The following LRIG3 variants were observed in gnomAD, a reference collection of about 807,000 sequenced individuals.
The protein encoded by LRIG3 is leucine-rich repeats and immunoglobulin-like domains protein 3.
A neutral mutation model predicts 114.5 loss-of-function variants in LRIG3; 76 were observed. That is an observed-to-expected ratio of 0.66 (90% CI 0.55 to 0.80). The LOEUF (loss-of-function observed/expected upper bound fraction) is 0.80, where lower values mean the gene tolerates loss of function less well. Among genes scored for constraint, LRIG3 ranks in the 30% least tolerant of loss-of-function variants. The probability of loss-of-function intolerance (pLI) is 0.00; values close to 1 mark genes in which losing one functional copy is unlikely to be tolerated. For missense variants in LRIG3, 1,239 were observed against 1,382.8 expected (o/e 0.90, Z 1.65); for synonymous variants, 512 against 519.8 (o/e 0.98, Z 0.20).
rs79202005 is a variant in LRIG3, at chr12:58,916,777, T to C, written c.237-2441A>G. 5.7e-3 allele frequency among the ~76,000 whole-genome samples: 849 copies of C among 149,304 alleles called. 8 individuals are homozygous for C. The highest frequency in any genetic ancestry group is 0.02 in the African/African-American group (770 of 38,784). On this transcript the variant is annotated intron_variant, in intron 1 of 18. Coordinates refer to ENST00000320743, the MANE Select transcript of LRIG3 (RefSeq NM_153377.5). ...ACTTGAAAGTCAAACTCTTTCTATA[T>C]GGTTAGACAGACTTCTCTCTTCCTG...
Position 58,877,754 on chromosome 12 carries a change from G to A in LRIG3, c.2182C>T (p.Leu728=), listed in dbSNP as rs547632976. The change falls in exon 15 of 19, where the codon CTG becomes TTG. Residue 728 remains leucine (L), a synonymous_variant. Transcript: ENST00000320743. The stretch of plus-strand genomic sequence containing the variant: ...GGGCTATCATCTTTGGTCCAGTTCA[G>A]TTTAGGGGGAGGGCTTCCTCCAGCA... ...CIAGGSPPPK[L]NWTKDDSPLV... The A allele has an allele frequency of 1.2e-6, 2 of 1,614,186 alleles. No homozygotes were observed. Among genetic ancestry groups the A allele is most frequent in the South Asian group, 2.2e-5 (2 of 91,088 alleles).
chr12:58,886,729 T>C, intron 9 of LRIG3, 81 bp downstream of exon 9: 5 of 1,152,278 alleles, frequency 4.3e-6, no homozygotes, highest in African/African-American at 1.5e-5. Context: ...CTTCATGATG[T>C]CAACTTGTAT....
At chr12:58,898,245 G>T (rs1317625238) in intron 3 of LRIG3, among the ~76,000 whole-genome samples, 1 of 152,146 alleles carries the variant, frequency 6.6e-6, no homozygotes. Flanking sequence ...TCCTGGTTCT[G>T]TGTCTTTATC....
intron 1 of LRIG3, among the ~76,000 whole-genome samples, chr12:58,916,504 T>A (rs1872486893): frequency 1.3e-5 from 2 of 152,240 alleles, no homozygotes; most frequent in Admixed American, 6.5e-5. Context: ...CACATTTTCC[T>A]AAATCTTCCT....
At chr12:58,888,722 G>A in intron 6 of LRIG3, 97 bp downstream of exon 6, 1 of 1,474,610 alleles carries the variant, frequency 6.8e-7, no homozygotes, top group African/African-American at 1.4e-5. Flanking sequence ...TGGATGATGA[G>A]ATTTTAACAT....
intron 3 of LRIG3, among the ~76,000 whole-genome samples, chr12:58,896,867 T>C (rs950928577): frequency 1.3e-5 from 2 of 152,158 alleles, no homozygotes; most frequent in African/African-American, 4.8e-5. Flanking sequence ...TTTCTATATA[T>C]AACTTGCAAA....
At chr12:58,916,557 T>A (rs1872488847) in intron 1 of LRIG3, among the ~76,000 whole-genome samples, 1 of 152,214 alleles carries the variant, frequency 6.6e-6, no homozygotes, top group Admixed American at 6.5e-5. Flanking sequence ...AGATTCAAGT[T>A]GTACAACGTC....
chr12:58,875,867 C>A (rs537514241), intron 16 of LRIG3, among the ~76,000 whole-genome samples: 1 of 152,206 alleles, frequency 6.6e-6, no homozygotes, highest in East Asian at 1.9e-4. Context: ...TGGCAAAACC[C>A]CATCTCTACT....
At chr12:58,901,811 T>C (rs1218584141) in intron 3 of LRIG3, among the ~76,000 whole-genome samples, 1 of 152,168 alleles carries the variant, frequency 6.6e-6, no homozygotes, top group Non-Finnish European at 1.5e-5. Flanking sequence ...TAACAAGACC[T>C]AGCAATTAGA....
At chr12:58,901,759 A>G (rs981522836) in intron 3 of LRIG3, among the ~76,000 whole-genome samples, 47 of 152,200 alleles carry the variant, frequency 3.1e-4, no homozygotes, top group African/African-American at 1.1e-3. Context: ...ACAGAACGAC[A>G]ACAGGTAGAA....
intron 1 of LRIG3, 135 bp downstream of exon 1, chr12:58,919,865 G>T: frequency 1.1e-6 from 1 of 937,086 alleles, no homozygotes; most frequent in Non-Finnish European, 1.6e-6. Flanking sequence ...CCCACGGAGC[G>T]CCGATCGCGG....
intron 12 of LRIG3, 50 bp from the exon 13 acceptor site, chr12:58,880,951 C>A: frequency 6.6e-7 from 1 of 1,523,414 alleles, no homozygotes; most frequent in South Asian, 1.2e-5. Context: ...GCTCAAGAGT[C>A]CAAATACTAC....
At chr12:58,877,301 G>T in intron 15 of LRIG3, 99 bp downstream of exon 15, 1 of 1,219,998 alleles carries the variant, frequency 8.2e-7, no homozygotes, top group Non-Finnish European at 1.2e-6. Flanking sequence ...TCACCCTTCT[G>T]AGATGAACTC....
chr12:58,872,552 T>C lies in LRIG3; in HGVS notation c.*20A>G. 2 of 1,569,996 alleles carry C rather than the reference T, an allele frequency of 1.3e-6. No individual in the cohort carries two copies. Among genetic ancestry groups the C allele is most frequent in the Non-Finnish European group, 8.7e-7 (1 of 1,155,854 alleles). Reference sequence around the variant, plus strand: ...TCACTTGAGGTAGTATGTTAAGCTTTTCCTTTGGTCTCATTCAGTCTATGT... The same window carrying C: ...TCACTTGAGGTAGTATGTTAAGCTTCTCCTTTGGTCTCATTCAGTCTATGT... On this transcript the variant is annotated 3_prime_UTR_variant, in exon 19 of 19. Transcript: ENST00000320743.
intron 3 of LRIG3, among the ~76,000 whole-genome samples, chr12:58,897,366 G>A (rs955860229): frequency 2.6e-5 from 4 of 152,088 alleles, no homozygotes; most frequent in African/African-American, 4.8e-5. Context: ...AATAAAGATG[G>A]CCATGTATTA....
intron 15 of LRIG3, 59 bp downstream of exon 15, chr12:58,877,341 T>G (rs1409471318): frequency 6.5e-6 from 10 of 1,539,572 alleles, no homozygotes; most frequent in Non-Finnish European, 6.2e-6. Flanking sequence ...CTAGAAGTAT[T>G]TGCAGAACCA....
At chr12:58,889,949 G>T in intron 5 of LRIG3, 47 bp downstream of exon 5, 1 of 1,593,390 alleles carries the variant, frequency 6.3e-7, no homozygotes, top group Non-Finnish European at 8.6e-7. Context: ...AGACACCAAG[G>T]GTTTGGAGGA....
chr12:58,910,359 C>T (rs1463466785), intron 3 of LRIG3, among the ~76,000 whole-genome samples: 1 of 152,190 alleles, frequency 6.6e-6, no homozygotes, highest in East Asian at 1.9e-4. Flanking sequence ...CCTTTAATCC[C>T]AGCATTCTGG....
In LRIG3 at chr12:58,887,827, A is replaced by T. The variant is rs753025877; in HGVS notation, c.1053T>A (p.Ala351=). 1.2e-6 allele frequency: 2 copies of T among 1,613,874 alleles called. No individual in the cohort carries two copies. The highest frequency in any genetic ancestry group is 1.7e-6 in the Non-Finnish European group (2 of 1,179,814). ...TGGAAAGCCCCCGGAAGGCACAATCAGCAATGTAGCTGACTCTGTTGTTCC... is the reference window on the plus strand; with the variant it reads ...TGGAAAGCCCCCGGAAGGCACAATCTGCAATGTAGCTGACTCTGTTGTTCC... ...HIGNNRVSYI[A]DCAFRGLSSL... Residue 351 remains alanine (A), a synonymous_variant, in exon 8 of 19, where the codon GCT becomes GCA. Transcript: ENST00000320743.
Sources: allele counts gnomAD v4.1 joint callset (sites outside exome capture counted in the v4.1 genomes callset), GRCh38; gene constraint gnomAD v4.1.1; transcripts MANE v1.5; gene names NCBI Gene and HGNC (gene_info 2026-07-23, HGNC 2026-07-21).